PATJ: variants seen among roughly 807,000 people sequenced by gnomAD.
PATJ encodes inaD-like protein.
In PATJ, 190 loss-of-function variants were observed where a neutral mutation model predicts 224.9. That is an observed-to-expected ratio of 0.84 (90% confidence interval 0.75 to 0.95). The LOEUF is 0.95. Among genes scored for constraint, PATJ ranks in the 40% least tolerant of loss-of-function variants. The pLI is 0.00. For missense variants in PATJ, 2,121 were observed against 2,270.3 expected (o/e 0.93, Z 1.34); for synonymous variants, 769 against 820.3 (o/e 0.94, Z 1.07).
At position 61,990,341 on chromosome 1, in the gene PATJ, C is replaced by G; in HGVS notation, c.3844C>G (p.Arg1282Gly). ...ACCTGCTGCCGCAGATGGACGAATG[C>G]GTATTGGAGATGAACTCTTAGAGGT... ...EGPAAADGRM[R>G]IGDELLEINN... is the part of the protein sequence containing the mutation. The change falls in exon 28 of 44, where the codon CGT (arginine) becomes GGT (glycine). Residue 1282 changes from arginine (R) to glycine (G), a missense_variant. Arg to Gly is a moderately radical substitution (Grantham distance 125). Coordinates refer to ENST00000642238, the MANE Select transcript of PATJ (RefSeq NM_001350145.3). 1 of 1,611,996 alleles carries G rather than the reference C, an allele frequency of 6.2e-7. No homozygotes were observed. Among genetic ancestry groups the G allele is most frequent in the African/African-American group, 1.3e-5 (1 of 74,888 alleles).
At chr1:62,129,034 C>G (rs1570724215) in intron 41 of PATJ, 89 bp downstream of exon 41, 3 of 775,308 alleles carry the variant, frequency 3.9e-6, no homozygotes, top group African/African-American at 1.7e-5. Context: ...GACATCGCCA[C>G]CCAGCAGGGT....
chr1:61,749,011 G>C (rs1003602692), intron 1 of PATJ, among the ~76,000 whole-genome samples: 1 of 151,702 alleles, frequency 6.6e-6, no homozygotes, highest in Admixed American at 6.6e-5. Flanking sequence ...TCCTGAGATG[G>C]AGTTGCCCAG....
intron 28 of PATJ, among the ~76,000 whole-genome samples, chr1:61,996,307 T>A (rs1235369144): frequency 6.6e-6 from 1 of 152,204 alleles, no homozygotes; most frequent in Admixed American, 6.5e-5. Flanking sequence ...TACATGCAGC[T>A]GCTTCATGCA....
chr1:61,789,116 C>T (rs1241971612), intron 8 of PATJ, among the ~76,000 whole-genome samples: 1 of 152,004 alleles, frequency 6.6e-6, no homozygotes, highest in Non-Finnish European at 1.5e-5. Flanking sequence ...CAAGACCAGC[C>T]TGGCCAAGAT....
At chr1:61,813,635 T>C (rs1441928331) in intron 14 of PATJ, among the ~76,000 whole-genome samples, 1 of 151,846 alleles carries the variant, frequency 6.6e-6, no homozygotes, top group Non-Finnish European at 1.5e-5. Flanking sequence ...TATATTTTAA[T>C]GGGAGGAGGC....
chr1:62,127,057 G>A (rs1037778024), intron 39 of PATJ, among the ~76,000 whole-genome samples: 5 of 140,630 alleles, frequency 3.6e-5, no homozygotes, highest in Admixed American at 2.0e-4. Flanking sequence ...GTTTATTCAG[G>A]AATGGGAATA....
chr1:62,030,803 TTAACA>T (rs1649110924), intron 29 of PATJ, among the ~76,000 whole-genome samples: 1 of 152,340 alleles, frequency 6.6e-6, no homozygotes, highest in Middle Eastern at 3.4e-3. Context: ...GTTTCTTTCA[TTAACA>T]TAACATTTTT....
chr1:61,884,013 A>T (rs1668457882), intron 21 of PATJ, among the ~76,000 whole-genome samples: 1 of 152,048 alleles, frequency 6.6e-6, no homozygotes, highest in Non-Finnish European at 1.5e-5. Flanking sequence ...TGAAAATTGT[A>T]ACCGACTTCT....
chr1:61,782,925 C>T (rs185045805), intron 7 of PATJ, among the ~76,000 whole-genome samples: 5 of 152,262 alleles, frequency 3.3e-5, no homozygotes, highest in Middle Eastern at 3.4e-3. Flanking sequence ...CGGAATACCT[C>T]GTTGTCTTCA....
At chr1:62,038,494 A>T (rs6685356) in intron 30 of PATJ, 34,691 of 159,848 alleles carry the variant, frequency 0.22, 4,139 homozygotes, top group Non-Finnish European at 0.27. Context: ...TAGATAGATA[A>T]AGAATTGTGT....
chr1:62,077,800 T>G (rs1043310898), intron 31 of PATJ, among the ~76,000 whole-genome samples: 1 of 152,224 alleles, frequency 6.6e-6, no homozygotes, highest in Non-Finnish European at 1.5e-5. Context: ...TGTAGCATTC[T>G]TCAACTATTG....
intron 41 of PATJ, among the ~76,000 whole-genome samples, chr1:62,144,788 A>ATATATATATATATATATATATATATAT (rs1667871906): frequency 1.4e-5 from 2 of 144,910 alleles, no homozygotes; most frequent in South Asian, 4.3e-4. Flanking sequence ...ATATATATAT[A>ATATATATATATATATATATATATATAT]TATATATAAT....
chr1:61,880,140 C>T (rs1401159322), intron 21 of PATJ, among the ~76,000 whole-genome samples: 3 of 152,182 alleles, frequency 2.0e-5, no homozygotes, highest in Non-Finnish European at 4.4e-5. Context: ...TCACCTGTTT[C>T]TTTCTGTTCC....
chr1:61,993,062 G>C (rs1270649338), intron 28 of PATJ, among the ~76,000 whole-genome samples: 2 of 152,078 alleles, frequency 1.3e-5, no homozygotes, highest in African/African-American at 4.8e-5. Context: ...CACAAGTTAA[G>C]GGCTCAGTCC....
chr1:62,092,381 T>TAA (rs760187721), intron 33 of PATJ, among the ~76,000 whole-genome samples: 171 of 145,568 alleles, frequency 1.2e-3, no homozygotes, highest in African/African-American at 4.2e-3. Context: ...CCTTGCCTGT[T>TAA]AAAAAAAAAA....
chr1:61,861,797 TAAA>T, intron 19 of PATJ, 130 bp downstream of exon 19: 1 of 516,264 alleles, frequency 1.9e-6, no homozygotes, highest in Non-Finnish European at 3.5e-6. Context: ...AATAAAGACA[TAAA>T]GAAGACAAAA....
chr1:62,127,321 T>C (rs1469899821), intron 39 of PATJ, among the ~76,000 whole-genome samples: 1 of 152,100 alleles, frequency 6.6e-6, no homozygotes, highest in Non-Finnish European at 1.5e-5. Flanking sequence ...CCTGCAGGGT[T>C]GTGGTTTTTG....
chr1:61,842,927 T>C (rs777835993), intron 17 of PATJ, among the ~76,000 whole-genome samples: 3 of 152,302 alleles, frequency 2.0e-5, no homozygotes, highest in Non-Finnish European at 4.4e-5. Context: ...TCATAGCCCT[T>C]CCTAGAGTGT....
At chr1:62,009,804 G>A (rs556694197) in intron 28 of PATJ, among the ~76,000 whole-genome samples, 1 of 152,152 alleles carries the variant, frequency 6.6e-6, no homozygotes, top group Non-Finnish European at 1.5e-5. Context: ...ACCACTTTTG[G>A]CCAGGCCTGG....
Sources: gnomAD v4.1 joint callset for allele counts (sites outside exome capture counted in the v4.1 genomes callset) on GRCh38, gnomAD v4.1.1 for gene constraint, MANE v1.5 for transcripts, NCBI Gene and HGNC (gene_info 2026-07-23, HGNC 2026-07-21) for gene names.